Variants in CFDP1 observed in about 807,000 individuals in gnomAD.
CFDP1 encodes the protein chromatin remodeling protein CFDP1.
Under a neutral mutation model 40.1 loss-of-function variants are expected in CFDP1, and 31 were observed. The observed-to-expected ratio is 0.77, with a 90% CI of 0.58 to 1.04. The LOEUF is 1.04. CFDP1 is among the 50% of genes least tolerant of loss of function. CFDP1 has a pLI of 0.00. For missense variants in CFDP1, 423 were observed against 343.4 expected, an observed-to-expected ratio of 1.23 and a Z score of -1.83; for synonymous variants, 167 against 120.0, an observed-to-expected ratio of 1.39 and a Z score of -2.56.
chr16:75,422,174 G>A (rs533819358), intron 1 of CFDP1, among the ~76,000 whole-genome samples: 17 of 151,980 alleles, frequency 1.1e-4, no homozygotes, highest in African/African-American at 2.7e-4. Flanking sequence ...TCGGCTCACC[G>A]CAACCTCTGC....
At chr16:75,363,724 G>A (rs571168534) in intron 5 of CFDP1, among the ~76,000 whole-genome samples, 1 of 152,222 alleles carries the variant, frequency 6.6e-6, no homozygotes, top group South Asian at 2.1e-4. Flanking sequence ...GCAAAAAAAG[G>A]TGTTTGGTCA....
intron 4 of CFDP1, among the ~76,000 whole-genome samples, chr16:75,395,456 C>T (rs571737104): frequency 4.6e-5 from 7 of 151,852 alleles, no homozygotes; most frequent in African/African-American, 7.3e-5. Context: ...GTCAAGAGAT[C>T]GAAACTATCC....
chr16:75,313,171 G>A (rs1329874569), intron 5 of CFDP1, among the ~76,000 whole-genome samples: 1 of 152,284 alleles, frequency 6.6e-6, no homozygotes, highest in Non-Finnish European at 1.5e-5. Context: ...ACCTTTCAGA[G>A]AAGCTCTACG....
chr16:75,365,369 C>G (rs564481051), intron 5 of CFDP1, among the ~76,000 whole-genome samples: 55 of 152,222 alleles, frequency 3.6e-4, no homozygotes, highest in African/African-American at 1.3e-3. Flanking sequence ...TGGAGAGCAA[C>G]CAAAGCCAGG....
intron 5 of CFDP1, among the ~76,000 whole-genome samples, chr16:75,316,413 T>C (rs2078323384): frequency 6.6e-6 from 1 of 151,910 alleles, no homozygotes; most frequent in Non-Finnish European, 1.5e-5. Flanking sequence ...AAGAATCCTA[T>C]TTGAAAGGCC....
chr16:75,381,667 G>T (rs1386639571), intron 5 of CFDP1, among the ~76,000 whole-genome samples: 2 of 151,124 alleles, frequency 1.3e-5, no homozygotes, highest in Non-Finnish European at 2.9e-5. Context: ...TTCACATGTT[G>T]GTTTCTTCAC....
At chr16:75,395,755 G>A (rs937172718) in intron 4 of CFDP1, among the ~76,000 whole-genome samples, 1 of 152,276 alleles carries the variant, frequency 6.6e-6, no homozygotes, top group South Asian at 2.1e-4. Context: ...ACAACCCAAA[G>A]ATGAAACAAA....
At chr16:75,428,251 G>A (rs1395111916) in intron 1 of CFDP1, among the ~76,000 whole-genome samples, 1 of 151,798 alleles carries the variant, frequency 6.6e-6, no homozygotes, top group East Asian at 1.9e-4. Flanking sequence ...AAATTTTATT[G>A]TATGTAAGTT....
chr16:75,376,697 A>C (rs2078800836), intron 5 of CFDP1, among the ~76,000 whole-genome samples: 1 of 152,176 alleles, frequency 6.6e-6, no homozygotes. Flanking sequence ...AGGATTCCAG[A>C]GGCAGGGCTT....
intron 5 of CFDP1, among the ~76,000 whole-genome samples, chr16:75,380,900 G>T (rs1362166571): frequency 6.6e-6 from 1 of 152,148 alleles, no homozygotes; most frequent in Non-Finnish European, 1.5e-5. Context: ...AATACTGACA[G>T]TGAACTGAAG....
chr16:75,305,070 C>T lies in CFDP1; in HGVS notation c.763G>A (p.Glu255Lys), dbSNP rs755077989. Residue 255 changes from glutamate (E) to lysine (K), a missense_variant, in exon 6 of 7, where the codon GAG (glutamate) becomes AAG (lysine). Coordinates refer to ENST00000283882, the MANE Select transcript of CFDP1 (RefSeq NM_006324.3). Reference sequence around the variant, plus strand: ...ATGGCCAGTTCTTCACCAATCCCCTCTTCCTCCTTGAAGCTCTCCCAGTCC... The same window carrying T: ...ATGGCCAGTTCTTCACCAATCCCCTTTTCCTCCTTGAAGCTCTCCCAGTCC... ...KLDWESFKEE[E>K]GIGEELAIHN... The T allele has an allele frequency of 2.5e-6, 4 of 1,614,072 alleles. No individual in the cohort carries two copies. The highest frequency in any genetic ancestry group is 3.4e-6 in the Non-Finnish European group (4 of 1,180,036).
At chr16:75,325,532 T>A (rs2078395369) in intron 5 of CFDP1, among the ~76,000 whole-genome samples, 1 of 152,240 alleles carries the variant, frequency 6.6e-6, no homozygotes, top group South Asian at 2.1e-4. Context: ...ACTTAGCATT[T>A]TCTAATGTAT....
At chr16:75,399,666 T>C (rs1225531580) in intron 4 of CFDP1, among the ~76,000 whole-genome samples, 1 of 150,172 alleles carries the variant, frequency 6.7e-6, no homozygotes, top group Non-Finnish European at 1.5e-5. Flanking sequence ...CATGAGCCAC[T>C]GCGCCCAGCC....
At chr16:75,331,920 T>C (rs903864912) in intron 5 of CFDP1, among the ~76,000 whole-genome samples, 2 of 152,256 alleles carry the variant, frequency 1.3e-5, no homozygotes, top group Non-Finnish European at 2.9e-5. Context: ...GTTATAGTCC[T>C]ACCATCAGCT....
chr16:75,430,581 A>T (rs1597414275), intron 1 of CFDP1, among the ~76,000 whole-genome samples: 1 of 151,898 alleles, frequency 6.6e-6, no homozygotes. Flanking sequence ...CTCGTGCCTC[A>T]GCCTCCCCAG....
intron 4 of CFDP1, among the ~76,000 whole-genome samples, chr16:75,405,330 T>G (rs2079088629): frequency 6.6e-6 from 1 of 152,198 alleles, no homozygotes; most frequent in Non-Finnish European, 1.5e-5. Context: ...ATTGTAATTT[T>G]TAAAATTTAT....
intron 5 of CFDP1, among the ~76,000 whole-genome samples, chr16:75,321,333 A>C (rs1368892533): frequency 6.6e-6 from 1 of 152,176 alleles, no homozygotes; most frequent in Non-Finnish European, 1.5e-5. Flanking sequence ...CCTATTTAAA[A>C]TGGTACAACT....
Position 75,428,311 on chromosome 16 carries a change from A to G in CFDP1, c.64+4978T>C, listed in dbSNP as rs138141804. Among the ~76,000 whole-genome samples, 1,020 of 152,250 alleles carry G rather than the reference A, an allele frequency of 6.7e-3. 8 individuals carry two copies. The highest frequency in any genetic ancestry group is 0.024 in the African/African-American group (987 of 41,540). On this transcript the variant is annotated intron_variant, in intron 1 of 6. Coordinates refer to ENST00000283882, the MANE Select transcript of CFDP1 (RefSeq NM_006324.3). ...ACTGCATTTACAAAAGAAGAACATA[A>G]TGCTATAAAAATATTCAAAGTTGGC...
chr16:75,363,942 AACACACACAC>A (rs10635711), intron 5 of CFDP1, among the ~76,000 whole-genome samples: 78 of 142,940 alleles, frequency 5.5e-4, no homozygotes, highest in Admixed American at 1.3e-3. Flanking sequence ...AAAGAGGTGA[AACACACACAC>A]ACACACACAC....
Sources: gnomAD v4.1 joint callset for allele counts (sites outside exome capture counted in the v4.1 genomes callset) on GRCh38, gnomAD v4.1.1 for gene constraint, MANE v1.5 for transcripts, NCBI Gene and HGNC (gene_info 2026-07-23, HGNC 2026-07-21) for gene names.